Variants in ZNF544 observed in about 807,000 individuals in gnomAD.
ZNF544 encodes zinc finger protein 544.
Under a neutral mutation model 13.5 loss-of-function variants are expected in ZNF544, and 10 were observed. The ratio of observed to expected loss-of-function variants is 0.74; its 90% confidence interval spans 0.46 to 1.25. The LOEUF (loss-of-function observed/expected upper bound fraction) is 1.25. Among genes scored for constraint, ZNF544 ranks in the 50% most tolerant of loss-of-function variants. ZNF544 has a pLI of 0.00. For synonymous variants in ZNF544, 323 were observed against 300.5 expected (o/e 1.07, Z -0.77); for missense variants, 896 against 845.6 (o/e 1.06, Z -0.74).
At position 58,244,146 on chromosome 19, in the gene ZNF544, C is replaced by T. The variant is rs1054510476; in HGVS notation, c.33+90C>T. On this transcript the variant is annotated intron_variant, in intron 4 of 6. Transcript: ENST00000687789. ...GCACCCGCCCCTGCAGGCTGTCACA[C>T]AGGAGCGCTCCGCAGTGCTGGCCAG... The T allele has an allele frequency of 4.3e-6, 5 of 1,156,842 alleles. No homozygotes were observed. In the African/African-American group the frequency reaches 6.2e-5, roughly 14 times the overall value. 71.7% of individuals were successfully genotyped at this position (1,156,842 alleles called of 1,614,324 possible). A position where few individuals can be genotyped will look rare whatever the true frequency, so the allele number is the denominator to read the frequency against.
chr19:58,240,241 T>A (rs547035747), intron 3 of ZNF544, among the ~76,000 whole-genome samples: 2 of 151,730 alleles, frequency 1.3e-5, no homozygotes, highest in Non-Finnish European at 2.9e-5. Flanking sequence ...CAGTCAAGGA[T>A]CAGACCTTTC....
rs2043525343 is a variant in ZNF544, at chr19:58,241,143, A to AAATATATATATATATTTT, written c.-59-2805_-59-2804insTAATATATATATATATTT. Among the ~76,000 whole-genome samples, 105 of 120,590 alleles carry AAATATATATATATATTTT rather than the reference A, an allele frequency of 8.7e-4. 2 individuals carry two copies. The highest frequency in any genetic ancestry group is 1.3e-3 in the Non-Finnish European group (81 of 61,496). The allele number at this position is 120,590 out of a possible 152,430, so 79.1% of individuals were successfully genotyped here. ...TGCACCACCATGGCCAGCCAATTTA[A>AAATATATATATATATTTT]AATATATATATATATTTAAATATAT... is the stretch of plus-strand genomic sequence containing the variant. On this transcript the variant is annotated intron_variant, in intron 3 of 6. Transcript: ENST00000687789.
At chr19:58,237,905 C>G (rs774855975) in intron 3 of ZNF544, among the ~76,000 whole-genome samples, 2 of 152,156 alleles carry the variant, frequency 1.3e-5, no homozygotes, top group Non-Finnish European at 2.9e-5. Context: ...GGAAGGTGTT[C>G]CATGAGACTG....
Position 58,275,783 on chromosome 19 carries a change from C to CAAAAAAAAAAAA in ZNF544, c.245-532_245-521dup, listed in dbSNP as rs57148438. On this transcript the variant is annotated intron_variant, in intron 5 of 6. Coordinates refer to the ZNF544 transcript ENST00000595981. The stretch of plus-strand genomic sequence containing the variant: ...GTGGGCAACAGGTGAGACCCTGTCT[C>CAAAAAAAAAAAA]AAAAAAAAAAAAAAAAAAAGGAAAG... Among the ~76,000 whole-genome samples the CAAAAAAAAAAAA allele has an allele frequency of 9.1e-4, 60 of 66,220 alleles. 1 individual carries two copies. The highest frequency in any genetic ancestry group is 3.5e-3 in the African/African-American group (58 of 16,590). 43.4% of individuals were successfully genotyped at this position (66,220 alleles called of 152,430 possible).
chr19:58,277,279 G>A (rs543645130), exon 7 of ZNF544: 1 of 1,073,856 alleles, frequency 9.3e-7, no homozygotes, highest in African/African-American at 2.1e-5. Context: ...AGAAGGATCT[G>A]AGAGAGTGTG....
At chr19:58,267,963 AGAGC>A (rs2050141664), downstream of ZNF544, among the ~76,000 whole-genome samples, 1 of 151,756 alleles carries the variant, frequency 6.6e-6, no homozygotes, top group Admixed American at 6.6e-5. Flanking sequence ...CCTGAGCAAC[AGAGC>A]GAGACTGCGT....
intron 6 of ZNF544, chr19:58,258,599 ACCACG>A (rs1568493126): frequency 7.7e-6 from 1 of 130,574 alleles, no homozygotes; most frequent in African/African-American, 3.0e-5. Flanking sequence ...GTGTGAGGGC[ACCACG>A]TGTGAGAGTG....
chr19:58,269,307 C>T (rs542050663), intron 5 of ZNF544, among the ~76,000 whole-genome samples: 67 of 152,138 alleles, frequency 4.4e-4, no homozygotes, highest in African/African-American at 8.7e-4. Flanking sequence ...TGGTGGCAGC[C>T]GCCTATAATC....
At chr19:58,257,549 C>T (rs2047777640) in intron 6 of ZNF544, 1 of 152,236 alleles carries the variant, frequency 6.6e-6, no homozygotes, top group Admixed American at 6.5e-5. Context: ...CAATCCGAGG[C>T]ACTTTCCATT....
intron 3 of ZNF544, among the ~76,000 whole-genome samples, chr19:58,232,765 TAAAAAAAA>T (rs529610316): frequency 9.2e-6 from 1 of 108,176 alleles, no homozygotes; most frequent in Non-Finnish European, 2.0e-5. Context: ...CCGTCTCTAC[TAAAAAAAA>T]AAAAAAAAAA....
In ZNF544 at chr19:58,261,107, A is replaced by G; in HGVS notation, c.501A>G (p.Leu167=). ...TTGAACTTGGGGGAGGTTATTCTCT[A>G]CCTTCTACTTTAAGCCTTCTACCTA... ...CELELGGGYS[L]PSTLSLLPTT... is the part of the protein sequence containing the mutation. The change falls in exon 7 of 7, where the codon CTA becomes CTG. Residue 167 remains leucine, a synonymous_variant. Coordinates refer to ENST00000687789, the MANE Select transcript of ZNF544 (RefSeq NM_014480.4). 1 of 1,614,184 alleles carries G rather than the reference A, an allele frequency of 6.2e-7. No homozygotes were observed. Among genetic ancestry groups the G allele is most frequent in the Non-Finnish European group, 8.5e-7 (1 of 1,180,036 alleles).
intron 3 of ZNF544, among the ~76,000 whole-genome samples, chr19:58,241,179 A>ATTTAAATATATATATATATTT (rs2043690583): frequency 2.7e-5 from 2 of 72,776 alleles, no homozygotes; most frequent in South Asian, 7.4e-4. Context: ...ATATATATAT[A>ATTTAAATATATATATATATTT]TTTTTTTTTT....
chr19:58,266,614 C>T (rs1568511194), downstream of ZNF544: 2 of 151,508 alleles, frequency 1.3e-5, no homozygotes, highest in Admixed American at 6.6e-5. Flanking sequence ...GAGGCTGTGG[C>T]AGCAGATGTG....
chr19:58,244,912 A>G (rs1025300492), intron 4 of ZNF544, among the ~76,000 whole-genome samples: 1 of 151,314 alleles, frequency 6.6e-6, no homozygotes, highest in South Asian at 2.1e-4. Context: ...GTCCTATTGG[A>G]TTAGGGTCCC....
At position 58,245,298 on chromosome 19, in the gene ZNF544, GTTTT is replaced by G. The variant is rs764540480; in HGVS notation, c.34-990_34-987del. ...TAAAATTAATCACCTTGTTTGTGGG[GTTTT>G]TTTTTTTTTTTTCTTTTGAGATGGA... On this transcript the variant is annotated intron_variant, in intron 4 of 6. Coordinates refer to ENST00000687789, the MANE Select transcript of ZNF544 (RefSeq NM_014480.4). Among the ~76,000 whole-genome samples, 3 of 135,706 alleles carry G rather than the reference GTTTT, an allele frequency of 2.2e-5. No individual in the cohort carries two copies. The Admixed American group carries it at 2.2e-4, about 10-fold the overall frequency. The allele number at this position is 135,706 out of a possible 152,430, so 89.0% of individuals were successfully genotyped here.
rs369410739 is a variant in ZNF544 at position 58,258,541 on chromosome 19, T to C, written c.245-2310T>C. On this transcript the variant is annotated intron_variant, in intron 6 of 6. Coordinates refer to ENST00000687789, the MANE Select transcript of ZNF544 (RefSeq NM_014480.4). ...GTGAGGGCACCAGGTGTGAGGGTGC[T>C]GGGTGTGAGGGCACCAGGTGTGAGG... 5.7e-3 allele frequency: 360 copies of C among 62,858 alleles called. 7 individuals carry two copies. The highest frequency in any genetic ancestry group is 0.053 in the Admixed American group (269 of 5,034). 3.9% of individuals were successfully genotyped at this position (62,858 alleles called of 1,614,324 possible).
intron 5 of ZNF544, among the ~76,000 whole-genome samples, chr19:58,275,476 C>T (rs187331947): frequency 1.3e-5 from 2 of 151,734 alleles, no homozygotes; most frequent in Admixed American, 1.3e-4. Context: ...CTGCAATAGA[C>T]AAACTCCTAC....
At chr19:58,251,170 C>G (rs1230368244) in intron 6 of ZNF544, 2 of 341,848 alleles carry the variant, frequency 5.9e-6, no homozygotes, top group Non-Finnish European at 1.2e-5. Flanking sequence ...GGAAGTTATT[C>G]CATTTGTTTA....
chr19:58,243,517 G>T (rs1449184194), intron 3 of ZNF544, among the ~76,000 whole-genome samples: 1 of 151,800 alleles, frequency 6.6e-6, no homozygotes, highest in Non-Finnish European at 1.5e-5. Context: ...GACCGAGGGA[G>T]GGCATCCCTG....
Sources: gnomAD v4.1 joint callset for allele counts (sites outside exome capture counted in the v4.1 genomes callset) on GRCh38, gnomAD v4.1.1 for gene constraint, MANE v1.5 for transcripts, NCBI Gene and HGNC (gene_info 2026-07-23, HGNC 2026-07-21) for gene names.